The following SIAH3 variants were observed in gnomAD, a reference collection of about 807,000 sequenced individuals.
SIAH3 encodes siah E3 ubiquitin protein ligase family member 3.
Under a neutral mutation model 12.6 loss-of-function variants are expected in SIAH3, and 9 were observed. That is an observed-to-expected ratio of 0.72 (90% confidence interval 0.43 to 1.25). The LOEUF (loss-of-function observed/expected upper bound fraction) is 1.25. Among genes scored for constraint, SIAH3 ranks in the 50% most tolerant of loss-of-function variants. SIAH3 has a pLI of 0.00. For missense variants in SIAH3, 390 were observed against 365.4 expected, an observed-to-expected ratio of 1.07 and a Z score of -0.55; for synonymous variants, 154 against 151.1, an observed-to-expected ratio of 1.02 and a Z score of -0.14.
intron 1 of SIAH3, among the ~76,000 whole-genome samples, chr13:45,808,185 G>C (rs148751309): frequency 1.3e-5 from 2 of 152,308 alleles, no homozygotes; most frequent in East Asian, 3.9e-4. Context: ...TGATTTTCTA[G>C]AGTAGACTGA....
At chr13:45,828,829 G>A (rs1288879200) in intron 1 of SIAH3, among the ~76,000 whole-genome samples, 3 of 152,190 alleles carry the variant, frequency 2.0e-5, no homozygotes, top group African/African-American at 7.2e-5. Flanking sequence ...TTACCATGCA[G>A]AAAAGCCAGC....
At chr13:45,822,154 G>C (rs1038812440) in intron 1 of SIAH3, among the ~76,000 whole-genome samples, 1 of 152,128 alleles carries the variant, frequency 6.6e-6, no homozygotes. Context: ...GACAGCTGGT[G>C]CAACAGGGAG....
chr13:45,830,996 T>C (rs1218825714), intron 1 of SIAH3, among the ~76,000 whole-genome samples: 2 of 152,020 alleles, frequency 1.3e-5, no homozygotes, highest in Admixed American at 6.6e-5. Context: ...CTGGCCAACA[T>C]GGCGAAACCC....
chr13:45,804,121 G>T (rs1354848105), intron 1 of SIAH3, among the ~76,000 whole-genome samples: 1 of 151,810 alleles, frequency 6.6e-6, no homozygotes, highest in Non-Finnish European at 1.5e-5. Context: ...TAATTTAAAA[G>T]TTAACTTTAA....
Position 45,851,681 on chromosome 13 carries a change from G to A in SIAH3, c.-52C>T, listed in dbSNP as rs769712626. On this transcript the variant is annotated 5_prime_UTR_variant, in exon 1 of 2. Coordinates refer to ENST00000400405, the MANE Select transcript of SIAH3 (RefSeq NM_198849.3). ...GGGAAGGCAGCGGAGGAAGCTGTGA[G>A]TCCTTGGGCCCTGGAAGGAGCGCAG... 1.2e-6 allele frequency: 2 copies of A among 1,612,364 alleles called. No homozygotes were observed. Among genetic ancestry groups the A allele is most frequent in the South Asian group, 1.1e-5 (1 of 90,932 alleles).
chr13:45,849,281 G>A (rs941946823), intron 1 of SIAH3, among the ~76,000 whole-genome samples: 2 of 152,124 alleles, frequency 1.3e-5, no homozygotes, highest in African/African-American at 2.4e-5. Context: ...TTTTGTGTGC[G>A]AAATGAAAAG....
At chr13:45,787,031 C>T (rs1950530434) in intron 1 of SIAH3, among the ~76,000 whole-genome samples, 1 of 152,012 alleles carries the variant, frequency 6.6e-6, no homozygotes, top group South Asian at 2.1e-4. Context: ...AGAAGAAATA[C>T]CTGGCTCTTC....
intron 1 of SIAH3, among the ~76,000 whole-genome samples, chr13:45,847,231 A>G (rs1375913031): frequency 6.6e-6 from 1 of 152,236 alleles, no homozygotes; most frequent in Non-Finnish European, 1.5e-5. Context: ...GCTGTAAAGT[A>G]GGTATTCACG....
At chr13:45,793,628 G>A (rs550260467) in intron 1 of SIAH3, among the ~76,000 whole-genome samples, 2 of 152,244 alleles carry the variant, frequency 1.3e-5, no homozygotes, top group South Asian at 2.1e-4. Flanking sequence ...TGTGGGGAGA[G>A]GATGAATAAA....
chr13:45,847,204 GT>G (rs1950763284), intron 1 of SIAH3, among the ~76,000 whole-genome samples: 1 of 152,182 alleles, frequency 6.6e-6, no homozygotes, highest in Admixed American at 6.5e-5. Context: ...AAACAGTCTT[GT>G]TGGAAGCCTT....
At chr13:45,826,954 G>A (rs145158689) in intron 1 of SIAH3, among the ~76,000 whole-genome samples, 8 of 152,262 alleles carry the variant, frequency 5.3e-5, no homozygotes, top group East Asian at 1.9e-4. Context: ...TGAACTCAGC[G>A]GGCTAGATTA....
chr13:45,796,544 C>A (rs1414889061), intron 1 of SIAH3, among the ~76,000 whole-genome samples: 1 of 152,152 alleles, frequency 6.6e-6, no homozygotes, highest in Non-Finnish European at 1.5e-5. Context: ...GGCTGACACT[C>A]CCAGGGAGAC....
chr13:45,808,137 G>T (rs1324336164), intron 1 of SIAH3, among the ~76,000 whole-genome samples: 1 of 152,116 alleles, frequency 6.6e-6, no homozygotes. Context: ...ATGGAAACTG[G>T]CAAATGCTAT....
At chr13:45,795,062 G>A (rs1336308890) in intron 1 of SIAH3, among the ~76,000 whole-genome samples, 2 of 151,400 alleles carry the variant, frequency 1.3e-5, no homozygotes, top group East Asian at 3.9e-4. Flanking sequence ...TAGATAACCA[G>A]TAGTTGTTTA....
chr13:45,835,302 T>C (rs2092623344), intron 1 of SIAH3, among the ~76,000 whole-genome samples: 1 of 152,184 alleles, frequency 6.6e-6, no homozygotes, highest in African/African-American at 2.4e-5. Context: ...TACTAATCAG[T>C]CAAGGTTAGA....
intron 1 of SIAH3, among the ~76,000 whole-genome samples, chr13:45,834,821 T>C (rs1285177342): frequency 6.6e-6 from 1 of 152,198 alleles, no homozygotes; most frequent in African/African-American, 2.4e-5. Flanking sequence ...TGTGTGGCTT[T>C]GGACTCACTG....
At chr13:45,839,747 G>A (rs1031419854) in intron 1 of SIAH3, among the ~76,000 whole-genome samples, 14 of 151,956 alleles carry the variant, frequency 9.2e-5, no homozygotes, top group African/African-American at 1.2e-4. Flanking sequence ...CAGGAGAATC[G>A]GTTGAACCCG....
intron 1 of SIAH3, among the ~76,000 whole-genome samples, chr13:45,795,484 G>A (rs1950559371): frequency 6.6e-6 from 1 of 152,178 alleles, no homozygotes; most frequent in Non-Finnish European, 1.5e-5. Context: ...ATAGACTGGG[G>A]CCTGTTTATT....
intron 1 of SIAH3, among the ~76,000 whole-genome samples, chr13:45,825,958 C>G (rs1950672990): frequency 1.3e-5 from 2 of 152,188 alleles, no homozygotes; most frequent in South Asian, 2.1e-4. Context: ...GCCTTCCTCC[C>G]CCTGGCCCTC....
Sources: gnomAD v4.1 joint callset for allele counts (sites outside exome capture counted in the v4.1 genomes callset) on GRCh38, gnomAD v4.1.1 for gene constraint, MANE v1.5 for transcripts, NCBI Gene and HGNC (gene_info 2026-07-23, HGNC 2026-07-21) for gene names.